ZFYVE28: variants seen among roughly 807,000 people sequenced by gnomAD.
The protein encoded by ZFYVE28 is lateral signaling target protein 2 homolog.
In ZFYVE28, 40 loss-of-function variants were observed where a neutral mutation model predicts 82.1. That is an observed-to-expected ratio of 0.49 (90% CI 0.38 to 0.63). The LOEUF is 0.63. Among genes scored for constraint, ZFYVE28 ranks in the 30% least tolerant of loss-of-function variants. ZFYVE28 has a pLI of 0.00. For synonymous variants in ZFYVE28, 612 were observed against 546.1 expected (o/e 1.12, Z -1.68); for missense variants, 1,321 against 1,242.1 (o/e 1.06, Z -0.96).
At chr4:2,374,604 AC>A (rs1226427894) in intron 1 of ZFYVE28, among the ~76,000 whole-genome samples, 1 of 152,176 alleles carries the variant, frequency 6.6e-6, no homozygotes, top group Non-Finnish European at 1.5e-5. Flanking sequence ...ACAGAGTGAG[AC>A]CCTGTTTCAA....
intron 7 of ZFYVE28, among the ~76,000 whole-genome samples, chr4:2,306,093 T>C (rs760477877): frequency 3.9e-5 from 6 of 152,156 alleles, no homozygotes; most frequent in Non-Finnish European, 7.3e-5. Flanking sequence ...CCAAAGACAA[T>C]GCAAGCCATG....
intron 6 of ZFYVE28, among the ~76,000 whole-genome samples, chr4:2,325,594 T>TC (rs1166391363): frequency 1.4e-5 from 1 of 73,256 alleles, no homozygotes; most frequent in Non-Finnish European, 2.6e-5. Context: ...AAATCTTACT[T>TC]TTTTTTTTTT....
rs1318895547 is a variant in ZFYVE28, at chr4:2,337,584, T to C, written c.522-88A>G. 11 of 1,058,996 alleles carry C rather than the reference T, an allele frequency of 1.0e-5. No homozygotes were observed. The Admixed American group carries it at 2.8e-4, about 27-fold the overall frequency. 65.6% of individuals were successfully genotyped at this position (1,058,996 alleles called of 1,614,324 possible). On this transcript the variant is annotated intron_variant, in intron 4 of 12. Transcript: ENST00000290974. The stretch of plus-strand genomic sequence containing the variant: ...AGTGGGGGGCATCTTCAATTAAAGC[T>C]GCAATGCTGGGCAAGGTGGGGGCGG...
At chr4:2,387,119 C>T (rs1729348461) in intron 1 of ZFYVE28, among the ~76,000 whole-genome samples, 1 of 152,146 alleles carries the variant, frequency 6.6e-6, no homozygotes, top group African/African-American at 2.4e-5. Flanking sequence ...GGATGGAGAG[C>T]GGTGCCACAG....
At chr4:2,314,854 C>A (rs541217051) in intron 7 of ZFYVE28, among the ~76,000 whole-genome samples, 10 of 152,316 alleles carry the variant, frequency 6.6e-5, no homozygotes, top group Admixed American at 5.2e-4. Flanking sequence ...TCATAGCTCA[C>A]TGCAACCTCA....
intron 1 of ZFYVE28, among the ~76,000 whole-genome samples, chr4:2,368,689 G>A (rs968189456): frequency 6.6e-6 from 1 of 152,210 alleles, no homozygotes; most frequent in African/African-American, 2.4e-5. Flanking sequence ...CTGTGTGGAT[G>A]GACAGACCAC....
At chr4:2,366,051 T>C (rs917900030) in intron 1 of ZFYVE28, among the ~76,000 whole-genome samples, 1 of 151,804 alleles carries the variant, frequency 6.6e-6, no homozygotes, top group Non-Finnish European at 1.5e-5. Context: ...CCAGCGCAGC[T>C]CCCCCAGCGC....
At chr4:2,279,586 T>C (rs920861904) in intron 8 of ZFYVE28, among the ~76,000 whole-genome samples, 5 of 152,130 alleles carry the variant, frequency 3.3e-5, no homozygotes, top group African/African-American at 4.8e-5. Flanking sequence ...GAGACCATCC[T>C]GGCTAACACG....
intron 8 of ZFYVE28, among the ~76,000 whole-genome samples, chr4:2,278,825 T>TG (rs1294090078): frequency 2.0e-5 from 3 of 150,358 alleles, no homozygotes; most frequent in South Asian, 2.1e-4. Flanking sequence ...GATATACAAA[T>TG]GGCTAATAAA....
chr4:2,350,448 A>C (rs1305933016), intron 2 of ZFYVE28, among the ~76,000 whole-genome samples: 1 of 151,860 alleles, frequency 6.6e-6, no homozygotes, highest in Non-Finnish European at 1.5e-5. Flanking sequence ...TGGGCGACAG[A>C]GCGAGACTCC....
chr4:2,287,894 GGATGTGT>G (rs1713006333), intron 8 of ZFYVE28, among the ~76,000 whole-genome samples: 1 of 152,212 alleles, frequency 6.6e-6, no homozygotes, highest in Admixed American at 6.5e-5. Context: ...CACTGGATAT[GGATGTGT>G]GAATGCTCTG....
chr4:2,360,492 TC>T (rs1226768043), intron 1 of ZFYVE28, among the ~76,000 whole-genome samples: 1 of 151,536 alleles, frequency 6.6e-6, no homozygotes, highest in African/African-American at 2.4e-5. Context: ...TGAGCTAGCG[TC>T]CCGGCCATTC....
At chr4:2,399,979 G>A (rs11946935) in intron 1 of ZFYVE28, among the ~76,000 whole-genome samples, 8,847 of 152,284 alleles carry the variant, frequency 0.058, 891 homozygotes, top group African/African-American at 0.2. Flanking sequence ...AGGGGAGCCC[G>A]AGGAAGTGCC....
intron 6 of ZFYVE28, among the ~76,000 whole-genome samples, chr4:2,331,820 C>T (rs1033764268): frequency 6.6e-5 from 10 of 152,330 alleles, no homozygotes; most frequent in Admixed American, 5.2e-4. Context: ...CCCAGCACTC[C>T]CTTCCACCTC....
At chr4:2,291,902 A>C (rs1281518509) in intron 8 of ZFYVE28, among the ~76,000 whole-genome samples, 1 of 152,182 alleles carries the variant, frequency 6.6e-6, no homozygotes, top group Non-Finnish European at 1.5e-5. Context: ...GGTGGGGAGC[A>C]GAGGGGGCCG....
chr4:2,362,838 G>A lies in ZFYVE28; in HGVS notation c.40-8765C>T, dbSNP rs1416924709. Among the ~76,000 whole-genome samples the A allele has an allele frequency of 3.9e-5, 6 of 152,096 alleles. No homozygotes were observed. Among genetic ancestry groups the A allele is most frequent in the Admixed American group, 3.9e-4 (6 of 15,288 alleles). The stretch of plus-strand genomic sequence containing the variant: ...TGCAGTGGGCACGCTGGGTCAGCAG[G>A]AGGCCTGGCAGGGAGTGAGGATGGG... On this transcript the variant is annotated intron_variant, in intron 1 of 12. Coordinates refer to ENST00000290974, the MANE Select transcript of ZFYVE28 (RefSeq NM_020972.3). The surrounding 1 kb of genome is among the most constrained non-coding windows in gnomAD (Gnocchi z 5.1).
intron 1 of ZFYVE28, among the ~76,000 whole-genome samples, chr4:2,381,450 A>T (rs1728724815): frequency 6.6e-6 from 1 of 152,218 alleles, no homozygotes; most frequent in Non-Finnish European, 1.5e-5. Context: ...TGTGACACCC[A>T]GGCTGGAGTG....
At chr4:2,278,178 T>G (rs528405540) in intron 8 of ZFYVE28, among the ~76,000 whole-genome samples, 1 of 151,462 alleles carries the variant, frequency 6.6e-6, no homozygotes, top group South Asian at 2.1e-4. Context: ...TCGAAATGAA[T>G]CATATATCTA....
chr4:2,278,786 C>T (rs142214843), intron 8 of ZFYVE28, among the ~76,000 whole-genome samples: 47 of 150,720 alleles, frequency 3.1e-4, no homozygotes, highest in East Asian at 7.8e-4. Flanking sequence ...AAATGGAAAA[C>T]GGATTTGAAT....
Sources: allele counts gnomAD v4.1 joint callset (sites outside exome capture counted in the v4.1 genomes callset), GRCh38; gene constraint gnomAD v4.1.1; non-coding constraint Gnocchi (gnomAD v3.1); transcripts MANE v1.5; gene names NCBI Gene and HGNC (gene_info 2026-07-23, HGNC 2026-07-21).